The following LAIR1 variants were observed in gnomAD, a reference collection of about 807,000 sequenced individuals.
LAIR1 encodes the protein leukocyte-associated immunoglobulin-like receptor 1.
A neutral mutation model predicts 32.8 loss-of-function variants in LAIR1; 24 were observed. That is an observed-to-expected ratio of 0.73 (90% CI 0.53 to 1.03). The LOEUF (loss-of-function observed/expected upper bound fraction) is 1.03. Among genes scored for constraint, LAIR1 ranks in the 50% least tolerant of loss-of-function variants. The probability of loss-of-function intolerance (pLI) is 0.00; values close to 1 mark genes in which losing one functional copy is unlikely to be tolerated. For missense variants in LAIR1, 355 were observed against 347.5 expected, an observed-to-expected ratio of 1.02 and a Z score of -0.17; for synonymous variants, 150 against 140.5, an observed-to-expected ratio of 1.07 and a Z score of -0.48.
At chr19:54,363,320 G>A (rs1242453405) in intron 2 of LAIR1, among the ~76,000 whole-genome samples, 1 of 151,870 alleles carries the variant, frequency 6.6e-6, no homozygotes, top group Admixed American at 6.6e-5. Context: ...GCATCCAGGA[G>A]GATGGAGAAG....
rs1163270026 is a variant in LAIR1 at position 54,355,073 on chromosome 19, A to G, written c.*195T>C. ...TGTCCAAGGAGCTGCTCGATTGTAG[A>G]AGGGACCACCTGGCTAACGAACCTT... On this transcript the variant is annotated 3_prime_UTR_variant, in exon 10 of 10. Coordinates refer to ENST00000391742, the MANE Select transcript of LAIR1 (RefSeq NM_002287.6). The surrounding 1 kb of genome is among the most constrained non-coding windows in gnomAD (Gnocchi z 4.7). The G allele has an allele frequency of 1.1e-5, 6 of 551,080 alleles. No homozygotes were observed. The highest frequency in any genetic ancestry group is 1.9e-5 in the Non-Finnish European group (6 of 310,030). 34.1% of individuals were successfully genotyped at this position (551,080 alleles called of 1,614,324 possible).
At chr19:54,365,047 G>A (rs1460320980), upstream of LAIR1, 53 of 1,404,944 alleles carry the variant, frequency 3.8e-5, no homozygotes, top group Middle Eastern at 5.3e-4. Context: ...GTCGCTTAGA[G>A]GCAGATGACC....
chr19:54,355,479 G>A lies in LAIR1; in HGVS notation c.718-65C>T. On this transcript the variant is annotated intron_variant, in intron 9 of 9. Transcript: ENST00000391742. This position sits in a 1 kb window ranked among gnomAD's most constrained non-coding sequence, Gnocchi z 4.7. ...AGGGTGAGACGAGGGGCTGTGGGGA[G>A]GGAGGGCTGTGGCGGCCATCTCCAT... 6.9e-7 allele frequency: 1 copy of A among 1,453,650 alleles called. No individual in the cohort carries two copies. The allele number at this position is 1,453,650 out of a possible 1,614,324, so 90.0% of individuals were successfully genotyped here.
chr19:54,369,634 T>G (rs1229546654), upstream of LAIR1, among the ~76,000 whole-genome samples: 1 of 151,480 alleles, frequency 6.6e-6, no homozygotes, highest in African/African-American at 2.5e-5. Flanking sequence ...CACAGCTCCC[T>G]CACTCAAAAA....
At chr19:54,375,401 C>A (rs2042342829), upstream of LAIR1, among the ~76,000 whole-genome samples, 1 of 152,186 alleles carries the variant, frequency 6.6e-6, no homozygotes, top group African/African-American at 2.4e-5. Context: ...AGACTCAGTC[C>A]CAACCGTCTT....
intron 2 of LAIR1, 53 bp from the exon 3 acceptor site, chr19:54,361,262 C>G: frequency 1.3e-6 from 2 of 1,566,376 alleles, no homozygotes; most frequent in Non-Finnish European, 1.8e-6. Flanking sequence ...AGTCACCATG[C>G]CACACACGTC....
At chr19:54,372,998 C>T (rs537371829), upstream of LAIR1, among the ~76,000 whole-genome samples, 18 of 150,694 alleles carry the variant, frequency 1.2e-4, no homozygotes, top group Admixed American at 7.2e-4. Flanking sequence ...GGCATAGTGG[C>T]GGGCGCCTGT....
At chr19:54,357,078 G>T in intron 4 of LAIR1, 112 bp from the exon 5 acceptor site, 1 of 983,612 alleles carries the variant, frequency 1.0e-6, no homozygotes, top group Non-Finnish European at 1.6e-6. Context: ...CCAGGACCCT[G>T]ACTGCTCCCT....
upstream of LAIR1, among the ~76,000 whole-genome samples, chr19:54,375,420 T>TTG (rs1036747213): frequency 1.3e-5 from 2 of 152,218 alleles, no homozygotes; most frequent in African/African-American, 4.8e-5. Flanking sequence ...TTGTGGCTTC[T>TTG]TACCACGTAT....
At chr19:54,367,797 G>C (rs1299489306), upstream of LAIR1, among the ~76,000 whole-genome samples, 2 of 134,212 alleles carry the variant, frequency 1.5e-5, no homozygotes, top group African/African-American at 5.9e-5. Flanking sequence ...ACAGAGTCTC[G>C]CTCTGTCGCC....
chr19:54,373,283 A>G (rs911207251), upstream of LAIR1, among the ~76,000 whole-genome samples: 11 of 151,344 alleles, frequency 7.3e-5, no homozygotes, highest in Non-Finnish European at 4.4e-5. Flanking sequence ...TCTACTAAAA[A>G]AATACAAAAA....
At chr19:54,365,894 T>G (rs11670296), upstream of LAIR1, among the ~76,000 whole-genome samples, 44,026 of 148,982 alleles carry the variant, frequency 0.3, 7,497 homozygotes, top group Middle Eastern at 0.42. Context: ...ATTGATAGAA[T>G]AATTGATATA....
At chr19:54,358,382 A>G in intron 4 of LAIR1, 1 of 132,934 alleles carries the variant, frequency 7.5e-6, no homozygotes, top group Non-Finnish European at 1.2e-5. Flanking sequence ...TTCCTTATAT[A>G]TATAATATAT....
intron 2 of LAIR1, among the ~76,000 whole-genome samples, chr19:54,362,828 G>T (rs2082090339): frequency 6.6e-6 from 1 of 151,906 alleles, no homozygotes; most frequent in Non-Finnish European, 1.5e-5. Context: ...TTCAAAATCA[G>T]CATGTGAGAA....
At chr19:54,356,839 A>G in intron 5 of LAIR1, 89 bp downstream of exon 5, 1 of 1,509,704 alleles carries the variant, frequency 6.6e-7, no homozygotes, top group African/African-American at 1.4e-5. Flanking sequence ...TTGGCAGAGC[A>G]GGAATCTGAT....
upstream of LAIR1, among the ~76,000 whole-genome samples, chr19:54,367,271 A>G (rs1026653278): frequency 2.0e-5 from 3 of 152,158 alleles, no homozygotes; most frequent in African/African-American, 4.8e-5. Context: ...ATGATCACAA[A>G]CTTGGATCTC....
At chr19:54,371,126 T>C (rs145888416), upstream of LAIR1, among the ~76,000 whole-genome samples, 10 of 151,332 alleles carry the variant, frequency 6.6e-5, no homozygotes, top group East Asian at 1.9e-3. Flanking sequence ...TGATAAAGCA[T>C]GTCTATTTCT....
Position 54,353,727 on chromosome 19 carries a change from CTTTCTTTTCT to C in LAIR1, c.*1531_*1540del, listed in dbSNP as rs953460432. On this transcript the variant is annotated 3_prime_UTR_variant, in exon 10 of 10. Coordinates refer to ENST00000391742, the MANE Select transcript of LAIR1 (RefSeq NM_002287.6). Reference sequence around the variant, plus strand: ...GAGTTTTTGCTGAATTCTTAAAAATCTTTCTTTTCTTTTCTTTTCTTTTTTGACGGAGTCT... The same window carrying C: ...GAGTTTTTGCTGAATTCTTAAAAATCTTTCTTTTCTTTTTTGACGGAGTCT... 2 of 151,734 alleles carry C rather than the reference CTTTCTTTTCT, an allele frequency of 1.3e-5. No individual in the cohort carries two copies. Among genetic ancestry groups the C allele is most frequent in the East Asian group, 1.9e-4 (1 of 5,166 alleles). 9.4% of individuals were successfully genotyped at this position (151,734 alleles called of 1,614,324 possible).
chr19:54,371,826 G>A (rs1412637107), upstream of LAIR1, among the ~76,000 whole-genome samples: 1 of 151,276 alleles, frequency 6.6e-6, no homozygotes, highest in Non-Finnish European at 1.5e-5. Flanking sequence ...TTTTATTCTG[G>A]CAACCAATGA....
Sources: allele counts gnomAD v4.1 joint callset (sites outside exome capture counted in the v4.1 genomes callset), GRCh38; gene constraint gnomAD v4.1.1; non-coding constraint Gnocchi (gnomAD v3.1); transcripts MANE v1.5; gene names NCBI Gene and HGNC (gene_info 2026-07-23, HGNC 2026-07-21).